The following AGAP2 variants were observed in gnomAD, a reference collection of about 807,000 sequenced individuals.
The protein encoded by AGAP2 is ArfGAP with GTPase domain, ankyrin repeat and PH domain 2, also known as arf-GAP with GTPase, ANK repeat and PH domain-containing protein 2.
A neutral mutation model predicts 110.9 loss-of-function variants in AGAP2; 32 were observed. The ratio of observed to expected loss-of-function variants is 0.29; its 90% CI spans 0.22 to 0.39. The LOEUF (loss-of-function observed/expected upper bound fraction) is 0.39. Among genes scored for constraint, AGAP2 ranks in the 10% least tolerant of loss-of-function variants. The pLI, the probability that AGAP2 is intolerant of heterozygous loss-of-function variation, is 1.00. For missense variants in AGAP2, 1,285 were observed against 1,638.5 expected, an observed-to-expected ratio of 0.78 and a Z score of 3.72; for synonymous variants, 702 against 713.0, an observed-to-expected ratio of 0.98 and a Z score of 0.25.
upstream of AGAP2, among the ~76,000 whole-genome samples, chr12:57,739,397 T>C (rs1019556189): frequency 1.6e-4 from 25 of 152,238 alleles, no homozygotes; most frequent in Admixed American, 6.5e-4. Context: ...TTTAATACTT[T>C]GACGGGGCCA....
chr12:57,737,399 G>A lies in AGAP2; in HGVS notation c.848C>T (p.Pro283Leu), dbSNP rs200408465. The change falls in exon 1 of 19, where the codon CCG (proline) becomes CTG (leucine). Residue 283 changes from proline (P) to leucine (L), a missense_variant. Pro to Leu is a moderately conservative substitution (Grantham distance 98). Transcript: ENST00000547588. The surrounding 1 kb of genome is among the most constrained non-coding windows in gnomAD (Gnocchi z 5.9). ...SKTLDNSDLH[P>L]GPPAGSPPPL... ...AGGAGGAGAGCCGGCAGGCGGTCCC[G>A]GATGCAAGTCACTGTTGTCCAAGGT... 163 of 1,613,702 alleles carry A rather than the reference G, an allele frequency of 1.0e-4. No individual in the cohort carries two copies. The highest frequency in any genetic ancestry group is 1.4e-4 in the Non-Finnish European group (161 of 1,179,832).
chr12:57,734,458 C>T (rs1449870488), intron 3 of AGAP2, 54 bp from the exon 4 acceptor site: 26 of 1,596,190 alleles, frequency 1.6e-5, no homozygotes, highest in Non-Finnish European at 2.0e-5. Context: ...GTCACCAAAC[C>T]TCCCCATGCT....
At chr12:57,729,282 G>A (rs1348919952) in intron 13 of AGAP2, among the ~76,000 whole-genome samples, 1 of 151,888 alleles carries the variant, frequency 6.6e-6, no homozygotes, top group Non-Finnish European at 1.5e-5. Context: ...GGGAGATGCT[G>A]AGATAAGGGG....
downstream of AGAP2, chr12:57,724,097 A>T (rs1251687584): frequency 6.6e-6 from 1 of 152,482 alleles, no homozygotes; most frequent in Admixed American, 6.5e-5. Context: ...CTGCACCTGC[A>T]CTGTTGAATC....
rs1046470098 is a variant in AGAP2 at position 57,731,915 on chromosome 12, G to A, written c.1847C>T (p.Pro616Leu). The A allele has an allele frequency of 1.9e-6, 3 of 1,613,530 alleles. No individual in the cohort carries two copies. Among genetic ancestry groups the A allele is most frequent in the Non-Finnish European group, 2.5e-6 (3 of 1,179,912 alleles). ...SDYSSSLPSS[P>L]NVGHRELRAE... is the part of the protein sequence containing the mutation. ...TCGGAGCTCCCGGTGACCAACATTC[G>A]GTGAGGACGGGAGGGAAGAAGAGTA... The change falls in exon 8 of 19, where the codon CCG becomes CTG. Residue 616 changes from proline (P) to leucine (L), a missense_variant. Coordinates refer to ENST00000547588, the MANE Select transcript of AGAP2 (RefSeq NM_001122772.3).
In AGAP2 at chr12:57,732,397, A is replaced by G. The variant is rs1255754448; in HGVS notation, c.1794+6T>C. The stretch of plus-strand genomic sequence containing the variant: ...CCCCTCTGCAGACTCTGAAACCCCA[A>G]CTCACCTGGCCAGCTACCGGAGTGG... On this transcript the variant is annotated splice_donor_region_variant and intron_variant, in intron 7 of 18. Coordinates refer to ENST00000547588, the MANE Select transcript of AGAP2 (RefSeq NM_001122772.3). 1.3e-5 allele frequency: 20 copies of G among 1,587,364 alleles called. No homozygotes were observed. Among genetic ancestry groups the G allele is most frequent in the Non-Finnish European group, 1.7e-5 (20 of 1,165,732 alleles).
Position 57,734,367 on chromosome 12 carries a change from C to T in AGAP2, c.1353G>A (p.Gln451=). ...QYKKEMLVDG[Q]THLVLIREEA... ...CCTCTCGGATTAGCACCAGATGTGT[C>T]TGTCCATCCACCAACATTTCTTTCT... The change falls in exon 4 of 19, where the codon CAG becomes CAA. Residue 451 remains glutamine (Q), a synonymous_variant. Transcript: ENST00000547588. 1 of 1,614,216 alleles carries T rather than the reference C, an allele frequency of 6.2e-7. No individual in the cohort carries two copies.
At chr12:57,730,243 A>G (rs185065979) in intron 12 of AGAP2, 38 of 519,654 alleles carry the variant, frequency 7.3e-5, no homozygotes, top group Non-Finnish European at 1.1e-4. Context: ...CAGATGAGGA[A>G]ACTGAGGCAC....
Position 57,726,758 on chromosome 12 carries a change from G to C in AGAP2, c.3373C>G (p.Arg1125Gly). Reference sequence around the variant, plus strand: ...TGGCGGGCGTAGAACAGCGCCGTGCGGCCCTGGGCGTCACGGGCCGCCACG... The same window carrying C: ...TGGCGGGCGTAGAACAGCGCCGTGCCGCCCTGGGCGTCACGGGCCGCCACG... ...ADVAARDAQG[R>G]TALFYARQAG... Residue 1125 changes from arginine to glycine, a missense_variant, in exon 19 of 19, where the codon CGC (arginine) becomes GGC (glycine). By Grantham distance (125) the Arg-to-Gly change is moderately radical. Coordinates refer to ENST00000547588, the MANE Select transcript of AGAP2 (RefSeq NM_001122772.3). The surrounding 1 kb of genome is among the most constrained non-coding windows in gnomAD (Gnocchi z 5.7). 1 of 1,336,224 alleles carries C rather than the reference G, an allele frequency of 7.5e-7. No homozygotes were observed. The highest frequency in any genetic ancestry group is 3.9e-5 in the Admixed American group (1 of 25,654). The allele number at this position is 1,336,224 out of a possible 1,614,324, so 82.8% of individuals were successfully genotyped here. A position where few individuals can be genotyped will look rare whatever the true frequency, so the allele number is the denominator to read the frequency against.
rs112150650 is a variant in AGAP2 at position 57,728,854 on chromosome 12, G to A, written c.2558-477C>T. ...GGTCAAGGGCTGTTGGGGAGCACTT[G>A]GCAATAGAAAGTTATCGGGAGAAGG... On this transcript the variant is annotated intron_variant, in intron 13 of 18. Coordinates refer to ENST00000547588, the MANE Select transcript of AGAP2 (RefSeq NM_001122772.3). Among the ~76,000 whole-genome samples the A allele has an allele frequency of 7.6e-3, 1,155 of 152,192 alleles. 9 individuals carry two copies. The highest frequency in any genetic ancestry group is 0.013 in the Non-Finnish European group (883 of 67,982).
Position 57,734,582 on chromosome 12 carries a change from C to T in AGAP2, c.1315+10G>A, listed in dbSNP as rs1469672202. ...CAATGGTTAGCTTACTATGGCTCTT[C>T]AGAACTCACTCTCTGTCTTCTCCAG... On this transcript the variant is annotated intron_variant, in intron 3 of 18. Coordinates refer to ENST00000547588, the MANE Select transcript of AGAP2 (RefSeq NM_001122772.3). 6.2e-7 allele frequency: 1 copy of T among 1,613,948 alleles called. No individual in the cohort carries two copies. Among genetic ancestry groups the T allele is most frequent in the Non-Finnish European group, 8.5e-7 (1 of 1,179,910 alleles).
At position 57,737,695 on chromosome 12, in the gene AGAP2, C is replaced by G. The variant is rs1330876407; in HGVS notation, c.552G>C (p.Pro184=). 1 of 1,549,632 alleles carries G rather than the reference C, an allele frequency of 6.5e-7. No homozygotes were observed. Among genetic ancestry groups the G allele is most frequent in the Non-Finnish European group, 8.7e-7 (1 of 1,150,342 alleles). The part of the protein sequence containing the change: ...GSRRLKVAPP[P]PAPKPCKTVT... ...CGGTCTTGCAAGGCTTGGGAGCCGG[C>G]GGAGGAGGCGCCACCTTGAGCCTCC... The change falls in exon 1 of 19, where the codon CCG becomes CCC. Residue 184 remains proline (P), a synonymous_variant. Transcript: ENST00000547588. The surrounding 1 kb of genome is among the most constrained non-coding windows in gnomAD (Gnocchi z 5.9).
Position 57,726,621 on chromosome 12 carries a change from C to A in AGAP2, c.3510G>T (p.Thr1170=), listed in dbSNP as rs781210255. The A allele has an allele frequency of 1.7e-6, 2 of 1,200,882 alleles. No homozygotes were observed. The highest frequency in any genetic ancestry group is 4.0e-5 in the South Asian group (1 of 24,828). The allele number at this position is 1,200,882 out of a possible 1,614,324, so 74.4% of individuals were successfully genotyped here. ...CGCTGCTCCGGCGGCGGGGGCTGGG[C>A]GTGGCGGTGATGCTGGGCGTGGTGG... The part of the protein sequence containing the change: ...SAATTPSITA[T]PSPRRRSSAA... Residue 1170 remains threonine, a synonymous_variant, in exon 19 of 19, where the codon ACG becomes ACT. Coordinates refer to ENST00000547588, the MANE Select transcript of AGAP2 (RefSeq NM_001122772.3). This position sits in a 1 kb window ranked among gnomAD's most constrained non-coding sequence, Gnocchi z 5.7.
At position 57,727,205 on chromosome 12, in the gene AGAP2, G is replaced by C. The variant is rs145154021; in HGVS notation, c.3105C>G (p.Arg1035=). The change falls in exon 18 of 19, where the codon CGC becomes CGG. Residue 1035 remains arginine, a synonymous_variant. Coordinates refer to ENST00000547588, the MANE Select transcript of AGAP2 (RefSeq NM_001122772.3). ...SSREERESWI[R]AKYEQLLFLA... ...GGAACAGTAGCTGCTCGTACTTGGC[G>C]CGAATCCACGACTCGCGCTCCTCCC... The C allele has an allele frequency of 3.2e-4, 511 of 1,611,770 alleles. 2 individuals are homozygous for C. The highest frequency in any genetic ancestry group is 3.9e-4 in the Non-Finnish European group (461 of 1,179,598).
rs1565789655 is a variant in AGAP2 at position 57,726,882 on chromosome 12, G to T, written c.3337-88C>A. On this transcript the variant is annotated intron_variant, in intron 18 of 18. Transcript: ENST00000547588. This position sits in a 1 kb window ranked among gnomAD's most constrained non-coding sequence, Gnocchi z 5.7. Reference sequence around the variant, plus strand: ...CCCCCACATGGCCAAGCCTACTTCCGGGGTCCCTCTGGGAATTTCGGGCTT... The same window carrying T: ...CCCCCACATGGCCAAGCCTACTTCCTGGGTCCCTCTGGGAATTTCGGGCTT... The T allele has an allele frequency of 1.4e-6, 2 of 1,462,818 alleles. No individual in the cohort carries two copies. Among genetic ancestry groups the T allele is most frequent in the East Asian group, 2.4e-5 (1 of 41,660 alleles). 90.6% of individuals were successfully genotyped at this position (1,462,818 alleles called of 1,614,324 possible). A position where few individuals can be genotyped will look rare whatever the true frequency, so the allele number is the denominator to read the frequency against.
At position 57,738,012 on chromosome 12, in the gene AGAP2, T is replaced by C. The variant is rs1427676965; in HGVS notation, c.235A>G (p.Ser79Gly). 3 of 1,507,666 alleles carry C rather than the reference T, an allele frequency of 2.0e-6. No individual in the cohort carries two copies. Among genetic ancestry groups the C allele is most frequent in the African/African-American group, 1.4e-5 (1 of 69,432 alleles). The allele number at this position is 1,507,666 out of a possible 1,614,324, so 93.4% of individuals were successfully genotyped here. ...CCCCCGGTGCCCGCGCTGCTCGTGC[T>C]GATCCACAGCGCATCCTGCCGGTGG... ...LFHRQDALWISTSSAGTGGAE... is the reference protein window; with the variant it reads ...LFHRQDALWIGTSSAGTGGAE... Residue 79 changes from serine (S) to glycine (G), a missense_variant, in exon 1 of 19, where the codon AGC becomes GGC. Ser to Gly is a moderately conservative substitution (Grantham distance 56). This residue lies in a region of AGAP2 where 844 missense variants were observed against 941.2 expected (regional missense o/e 0.90). Transcript: ENST00000547588. The surrounding 1 kb of genome is among the most constrained non-coding windows in gnomAD (Gnocchi z 6.7).
chr12:57,726,711 G>A lies in AGAP2; in HGVS notation c.3420C>T (p.Ala1140=), dbSNP rs1403521797. The change falls in exon 19 of 19, where the codon GCC becomes GCT. Residue 1140 remains alanine (A), a synonymous_variant. Coordinates refer to ENST00000547588, the MANE Select transcript of AGAP2 (RefSeq NM_001122772.3). This position sits in a 1 kb window ranked among gnomAD's most constrained non-coding sequence, Gnocchi z 5.7. ...YARQAGSQLC[A]DILLQHGCPG... is the part of the protein sequence containing the mutation. ...GGCAGCCGTGCTGGAGAAGGATGTCGGCGCACAGCTGGCTTCCAGCCTGGC... is the reference window on the plus strand; with the variant it reads ...GGCAGCCGTGCTGGAGAAGGATGTCAGCGCACAGCTGGCTTCCAGCCTGGC... 5.6e-6 allele frequency: 7 copies of A among 1,253,408 alleles called. No homozygotes were observed. The highest frequency in any genetic ancestry group is 7.0e-6 in the Non-Finnish European group (7 of 998,810). The allele number at this position is 1,253,408 out of a possible 1,614,324, so 77.6% of individuals were successfully genotyped here.
chr12:57,727,715 C>T lies in AGAP2; in HGVS notation c.2823G>A (p.Lys941=), dbSNP rs771293226. ...CGCAGTCCACGCAGATTGAATTCCC[C>T]TTGGCGTTCCGGATCGCCTGGATGG... ...AVAIQAIRNA[K]GNSICVDCGA... is the part of the protein sequence containing the mutation. The change falls in exon 16 of 19, where the codon AAG becomes AAA. Residue 941 remains lysine (K), a synonymous_variant. Coordinates refer to ENST00000547588, the MANE Select transcript of AGAP2 (RefSeq NM_001122772.3). The T allele has an allele frequency of 1.2e-6, 2 of 1,604,254 alleles. No homozygotes were observed. The highest frequency in any genetic ancestry group is 8.5e-7 in the Non-Finnish European group (1 of 1,174,590).
Position 57,727,587 on chromosome 12 carries a change from G to A in AGAP2, c.2858-5C>T, listed in dbSNP as rs748238548. Reference sequence around the variant, plus strand: ...TCAAGCTGGCCCACGTGGGGTCTGCGGAAGGAGCGTAGAGGTCGGCTCCCA... The same window carrying A: ...TCAAGCTGGCCCACGTGGGGTCTGCAGAAGGAGCGTAGAGGTCGGCTCCCA... On this transcript the variant is annotated splice_polypyrimidine_tract_variant and splice_region_variant and intron_variant, in intron 16 of 18. Transcript: ENST00000547588. The A allele has an allele frequency of 6.9e-6, 11 of 1,600,724 alleles. No homozygotes were observed. The South Asian group carries it at 1.0e-4, about 15-fold the overall frequency.
Sources: allele counts gnomAD v4.1 joint callset (sites outside exome capture counted in the v4.1 genomes callset), GRCh38; gene constraint gnomAD v4.1.1; regional missense constraint gnomAD v4.1.1; non-coding constraint Gnocchi (gnomAD v3.1); transcripts MANE v1.5; gene names NCBI Gene and HGNC (gene_info 2026-07-23, HGNC 2026-07-21).